CHD6: variants seen among roughly 807,000 people sequenced by gnomAD.
CHD6 encodes ATP-dependent chromatin remodeler CHD6.
A neutral mutation model predicts 276.9 loss-of-function variants in CHD6; 50 were observed. That is an observed-to-expected ratio of 0.18 (90% CI 0.14 to 0.23). CHD6 has a LOEUF of 0.23. Among genes scored for constraint, CHD6 ranks in the 10% least tolerant of loss-of-function variants. The pLI, the probability that CHD6 is intolerant of heterozygous loss-of-function variation, is 1.00. For missense variants in CHD6, 2,564 were observed against 3,365.8 expected (o/e 0.76, Z 5.89); for synonymous variants, 1,173 against 1,229.3 (o/e 0.95, Z 0.96).
chr20:41,487,847 C>G (rs1369188277), intron 13 of CHD6, 39 bp from the exon 14 acceptor site: 3 of 1,579,736 alleles, frequency 1.9e-6, no homozygotes, highest in South Asian at 2.4e-5. Flanking sequence ...AGTGCTTGAG[C>G]CATCAAAATA....
intron 2 of CHD6, 151 bp downstream of exon 2, chr20:41,551,154 C>T (rs2045139814): frequency 1.7e-6 from 1 of 601,252 alleles, no homozygotes; most frequent in African/African-American, 2.0e-5. Context: ...ATTATTAAGT[C>T]ATTCAGAACA....
At chr20:41,547,696 GA>G in intron 2 of CHD6, 1 of 699,004 alleles carries the variant, frequency 1.4e-6, no homozygotes, top group Non-Finnish European at 2.4e-6. Flanking sequence ...CCAATAGACA[GA>G]AAGAAACAGA....
rs1475841970 is a variant in CHD6 at position 41,484,339 on chromosome 20, G to A, written c.2257+13C>T. On this transcript the variant is annotated intron_variant, in intron 15 of 36. Transcript: ENST00000373233. ...TGGCAGTCCTGAGTTACTTCCTAGT[G>A]CCCCTGACTCACCATTGATCAGGTA... The A allele has an allele frequency of 6.2e-7, 1 of 1,613,380 alleles. No homozygotes were observed. The highest frequency in any genetic ancestry group is 1.3e-5 in the African/African-American group (1 of 74,992).
At chr20:41,543,803 T>C (rs572772089) in intron 2 of CHD6, among the ~76,000 whole-genome samples, 108 of 152,238 alleles carry the variant, frequency 7.1e-4, no homozygotes, top group Non-Finnish European at 1.4e-3. Flanking sequence ...ATTCTCAGTA[T>C]CTAAATATTA....
In CHD6 at chr20:41,403,877, C is replaced by T. The variant is rs1053651073; in HGVS notation, c.*716G>A. 2.4e-4 allele frequency: 251 copies of T among 1,056,644 alleles called. No individual in the cohort carries two copies. The highest frequency in any genetic ancestry group is 2.8e-4 in the Non-Finnish European group (241 of 873,992). The allele number at this position is 1,056,644 out of a possible 1,614,324, so 65.5% of individuals were successfully genotyped here. ...TAACTCATGGTGGGTAAAGCTTTCT[C>T]GCAGCAAGAGGAATCTTTTCACTGG... On this transcript the variant is annotated 3_prime_UTR_variant, in exon 37 of 37. Coordinates refer to ENST00000373233, the MANE Select transcript of CHD6 (RefSeq NM_032221.5).
In CHD6 at chr20:41,404,297, A is replaced by G; in HGVS notation, c.*296T>C. On this transcript the variant is annotated 3_prime_UTR_variant, in exon 37 of 37. Coordinates refer to ENST00000373233, the MANE Select transcript of CHD6 (RefSeq NM_032221.5). ...CTCCTCAAGTGAGTGGGAAACTTGG[A>G]AGAGAAGGGGGTAGGGCGTGTCACC... 2 of 1,116,210 alleles carry G rather than the reference A, an allele frequency of 1.8e-6. No homozygotes were observed. The highest frequency in any genetic ancestry group is 2.2e-6 in the Non-Finnish European group (2 of 913,874). The allele number at this position is 1,116,210 out of a possible 1,614,324, so 69.1% of individuals were successfully genotyped here. A position where few individuals can be genotyped will look rare whatever the true frequency, so the allele number is the denominator to read the frequency against.
In CHD6 at chr20:41,452,171, G is replaced by C; in HGVS notation, c.3324-146C>G. On this transcript the variant is annotated intron_variant, in intron 21 of 36. Coordinates refer to ENST00000373233, the MANE Select transcript of CHD6 (RefSeq NM_032221.5). The surrounding 1 kb of genome is among the most constrained non-coding windows in gnomAD (Gnocchi z 4.2). ...CATCCCAAGGGCTTTGTCCCGAAAG[G>C]CCTTTGAGGACCACCTGACTGTAGC... is the stretch of plus-strand genomic sequence containing the variant. The C allele has an allele frequency of 1.5e-6, 1 of 677,526 alleles. No homozygotes were observed. 42.0% of individuals were successfully genotyped at this position (677,526 alleles called of 1,614,324 possible).
chr20:41,609,379 G>A (rs2045861831), intron 1 of CHD6, among the ~76,000 whole-genome samples: 1 of 152,170 alleles, frequency 6.6e-6, no homozygotes, highest in African/African-American at 2.4e-5. Context: ...ACAAAATGTT[G>A]TGCCCCATAA....
chr20:41,490,785 C>G (rs2043533553), intron 11 of CHD6, among the ~76,000 whole-genome samples: 1 of 151,940 alleles, frequency 6.6e-6, no homozygotes, highest in African/African-American at 2.4e-5. Context: ...TGCACTCCAG[C>G]ATGGGTGACA....
At chr20:41,414,963 C>A (rs973530428) in intron 34 of CHD6, 8 of 1,391,052 alleles carry the variant, frequency 5.8e-6, no homozygotes, top group Non-Finnish European at 7.4e-6. Flanking sequence ...GGCAAGACCT[C>A]CTGGCTCATT....
intron 1 of CHD6, among the ~76,000 whole-genome samples, chr20:41,610,073 T>A (rs1448133672): frequency 6.6e-6 from 1 of 152,042 alleles, no homozygotes; most frequent in Non-Finnish European, 1.5e-5. Flanking sequence ...GCCAGGCTGG[T>A]CTCGAACTCC....
At chr20:41,617,905 G>A (rs571488983) in intron 1 of CHD6, among the ~76,000 whole-genome samples, 1 of 146,638 alleles carries the variant, frequency 6.8e-6, no homozygotes, top group South Asian at 2.1e-4. Context: ...CCCCCGCCCC[G>A]CCCCAGCGCG....
At chr20:41,467,970 CTT>C (rs1438345757) in intron 17 of CHD6, among the ~76,000 whole-genome samples, 4 of 152,132 alleles carry the variant, frequency 2.6e-5, no homozygotes, top group South Asian at 2.1e-4. Context: ...TGGTCATACT[CTT>C]TGTTTTGTCT....
intron 5 of CHD6, among the ~76,000 whole-genome samples, chr20:41,512,466 C>T (rs984533927): frequency 2.6e-5 from 4 of 151,602 alleles, no homozygotes; most frequent in Non-Finnish European, 5.9e-5. Flanking sequence ...TTAGGCAAAA[C>T]TGATAAACCA....
chr20:41,499,245 A>G, intron 6 of CHD6, 50 bp downstream of exon 6: 1 of 1,398,844 alleles, frequency 7.1e-7, no homozygotes, highest in Non-Finnish European at 9.8e-7. Context: ...TCTTCACAGA[A>G]GATGTAATCT....
In CHD6 at chr20:41,413,444, C is replaced by A; in HGVS notation, c.7011G>T (p.Ser2337=). 1 of 1,611,462 alleles carries A rather than the reference C, an allele frequency of 6.2e-7. No homozygotes were observed. Among genetic ancestry groups the A allele is most frequent in the South Asian group, 1.1e-5 (1 of 90,800 alleles). ...TGGCTGCCGTAGCTGGCTCAGGAGCCGAGGTGGCAGGCCCTGGCCCCTCAG... is the reference window on the plus strand; with the variant it reads ...TGGCTGCCGTAGCTGGCTCAGGAGCAGAGGTGGCAGGCCCTGGCCCCTCAG... ...THPEGPGPAT[S]APEPATAASS... is the part of the protein sequence containing the mutation. Residue 2337 remains serine (S), a synonymous_variant, in exon 35 of 37, where the codon TCG becomes TCT. Coordinates refer to ENST00000373233, the MANE Select transcript of CHD6 (RefSeq NM_032221.5).
intron 15 of CHD6, 119 bp from the exon 16 acceptor site, chr20:41,483,638 G>A (rs1231363744): frequency 1.4e-6 from 1 of 705,228 alleles, no homozygotes; most frequent in Non-Finnish European, 2.3e-6. Flanking sequence ...CAGCAGTCCA[G>A]TGAGGAGATG....
chr20:41,481,280 T>C (rs1242135907), intron 16 of CHD6, among the ~76,000 whole-genome samples: 1 of 151,370 alleles, frequency 6.6e-6, no homozygotes, highest in Non-Finnish European at 1.5e-5. Context: ...ATTTAGGACA[T>C]CAAAAAATAA....
chr20:41,519,023 T>C (rs1009406481), intron 3 of CHD6, among the ~76,000 whole-genome samples: 25 of 152,184 alleles, frequency 1.6e-4, no homozygotes, highest in Admixed American at 1.4e-3. Flanking sequence ...GGCTCATGAC[T>C]GTAATCCCAG....
Sources: gnomAD v4.1 joint callset for allele counts (sites outside exome capture counted in the v4.1 genomes callset) on GRCh38, gnomAD v4.1.1 for gene constraint, Gnocchi (gnomAD v3.1) non-coding constraint, MANE v1.5 for transcripts, NCBI Gene and HGNC (gene_info 2026-07-23, HGNC 2026-07-21) for gene names.